The following ADAMTS6 variants were observed in gnomAD, a reference collection of about 807,000 sequenced individuals.
ADAMTS6 encodes the protein A disintegrin and metalloproteinase with thrombospondin motifs 6.
A neutral mutation model predicts 144.3 loss-of-function variants in ADAMTS6; 23 were observed. The ratio of observed to expected loss-of-function variants is 0.16; its 90% confidence interval spans 0.11 to 0.23. The LOEUF (loss-of-function observed/expected upper bound fraction) is 0.23. Among genes scored for constraint, ADAMTS6 ranks in the 10% least tolerant of loss-of-function variants. The pLI is 1.00. For synonymous variants in ADAMTS6, 444 were observed against 457.5 expected, an observed-to-expected ratio of 0.97 and a Z score of 0.38; for missense variants, 999 against 1,379.6, an observed-to-expected ratio of 0.72 and a Z score of 4.37.
At chr5:65,256,829 G>GTGATATAT (rs1239282660) in intron 14 of ADAMTS6, among the ~76,000 whole-genome samples, 1 of 152,002 alleles carries the variant, frequency 6.6e-6, no homozygotes, top group Non-Finnish European at 1.5e-5. Context: ...ACCTAAAAGT[G>GTGATATAT]TGATATATTG....
intron 16 of ADAMTS6, 77 bp downstream of exon 16, chr5:65,226,009 T>C (rs1757693673): frequency 7.1e-7 from 1 of 1,414,968 alleles, no homozygotes; most frequent in Non-Finnish European, 9.4e-7. Context: ...AAATTAAACA[T>C]AGTATTAAAT....
At chr5:65,475,955 T>C (rs1760813694) in intron 1 of ADAMTS6, among the ~76,000 whole-genome samples, 1 of 152,170 alleles carries the variant, frequency 6.6e-6, no homozygotes, top group Admixed American at 6.5e-5. Flanking sequence ...TCATATCCAT[T>C]CCCTTGCTCC....
At chr5:65,468,551 G>A (rs942108296) in intron 3 of ADAMTS6, among the ~76,000 whole-genome samples, 1 of 152,114 alleles carries the variant, frequency 6.6e-6, no homozygotes, top group Non-Finnish European at 1.5e-5. Flanking sequence ...ACTGCCAAGG[G>A]AAAAAATAGT....
intron 2 of ADAMTS6, among the ~76,000 whole-genome samples, chr5:65,471,619 G>A (rs931433787): frequency 1.7e-4 from 26 of 152,020 alleles, no homozygotes; most frequent in African/African-American, 5.8e-4. Context: ...TTATCCGGGC[G>A]TTGCGGCACA....
intron 22 of ADAMTS6, among the ~76,000 whole-genome samples, chr5:65,175,215 G>T (rs1208468153): frequency 6.6e-6 from 1 of 151,618 alleles, no homozygotes; most frequent in Non-Finnish European, 1.5e-5. Flanking sequence ...AGAAAAAGGG[G>T]CAAAGAGAGA....
intron 7 of ADAMTS6, among the ~76,000 whole-genome samples, chr5:65,411,389 G>A (rs984295299): frequency 6.6e-6 from 1 of 152,074 alleles, no homozygotes; most frequent in Non-Finnish European, 1.5e-5. Flanking sequence ...TGCCTATACA[G>A]CTTTCTTTCT....
intron 11 of ADAMTS6, among the ~76,000 whole-genome samples, chr5:65,273,818 T>C (rs966444584): frequency 2.0e-5 from 3 of 152,168 alleles, no homozygotes; most frequent in African/African-American, 7.2e-5. Flanking sequence ...ACTTACCAAT[T>C]ACTAATAAAG....
chr5:65,215,350 G>C lies in ADAMTS6; in HGVS notation c.2410C>G (p.Pro804Ala), dbSNP rs747780028. The change falls in exon 19 of 25, where the codon CCT becomes GCT. Residue 804 changes from proline to alanine, a missense_variant. By Grantham distance (27) the Pro-to-Ala change is conservative. Coordinates refer to ENST00000381055, the MANE Select transcript of ADAMTS6 (RefSeq NM_197941.4). ...ATGACGATGAGATTTTCTGAGGTAGGACCTAGAGCTTCCAAGGATTCTGGT... is the reference window on the plus strand; with the variant it reads ...ATGACGATGAGATTTTCTGAGGTAGCACCTAGAGCTTCCAAGGATTCTGGT... ...DEPESLEALG[P>A]TSENLIVMVL... 1 of 1,613,938 alleles carries C rather than the reference G, an allele frequency of 6.2e-7. No homozygotes were observed. The highest frequency in any genetic ancestry group is 2.2e-5 in the East Asian group (1 of 44,872).
At chr5:65,366,198 T>C (rs1196720999) in intron 7 of ADAMTS6, among the ~76,000 whole-genome samples, 1 of 152,194 alleles carries the variant, frequency 6.6e-6, no homozygotes, top group Non-Finnish European at 1.5e-5. Context: ...CAAAGGAATG[T>C]AATAACTTTA....
At chr5:65,419,552 A>T (rs1478685724) in intron 7 of ADAMTS6, among the ~76,000 whole-genome samples, 2 of 152,354 alleles carry the variant, frequency 1.3e-5, no homozygotes, top group East Asian at 3.9e-4. Flanking sequence ...ATCTAAAATA[A>T]ATATAGAAAA....
chr5:65,358,522 A>T (rs910436907), intron 7 of ADAMTS6, among the ~76,000 whole-genome samples: 1 of 152,098 alleles, frequency 6.6e-6, no homozygotes. Context: ...AATAGAAAAA[A>T]CAATTCCTAA....
chr5:65,244,776 G>C (rs903395835), intron 14 of ADAMTS6, among the ~76,000 whole-genome samples: 3 of 152,058 alleles, frequency 2.0e-5, no homozygotes, highest in African/African-American at 4.8e-5. Flanking sequence ...ATAAGTGTGG[G>C]AGTCTCCTCT....
chr5:65,180,115 G>T (rs1295592324), intron 22 of ADAMTS6, among the ~76,000 whole-genome samples: 1 of 152,030 alleles, frequency 6.6e-6, no homozygotes, highest in African/African-American at 2.4e-5. Flanking sequence ...GGCTATCTAG[G>T]TGAACACCGT....
chr5:65,477,086 C>T (rs1760892386), intron 1 of ADAMTS6, among the ~76,000 whole-genome samples: 1 of 152,158 alleles, frequency 6.6e-6, no homozygotes, highest in Non-Finnish European at 1.5e-5. Flanking sequence ...TCAATAACGG[C>T]AATAAGAAGA....
chr5:65,314,475 T>C (rs1675115176), intron 9 of ADAMTS6, among the ~76,000 whole-genome samples: 1 of 152,094 alleles, frequency 6.6e-6, no homozygotes, highest in Admixed American at 6.6e-5. Flanking sequence ...AGCAGAAAAG[T>C]ATTTGAAGTA....
intron 15 of ADAMTS6, among the ~76,000 whole-genome samples, chr5:65,239,763 G>A (rs6880009): frequency 0.18 from 27,170 of 151,962 alleles, 3,107 homozygotes; most frequent in African/African-American, 0.32. Flanking sequence ...ATATGAAAAC[G>A]TGCTTAACAT....
At chr5:65,424,609 A>T (rs1383373011) in intron 7 of ADAMTS6, among the ~76,000 whole-genome samples, 1 of 152,206 alleles carries the variant, frequency 6.6e-6, no homozygotes. Context: ...AGAACATCTC[A>T]CTAATGATCC....
intron 12 of ADAMTS6, among the ~76,000 whole-genome samples, chr5:65,263,366 T>C (rs903086264): frequency 6.7e-6 from 1 of 150,252 alleles, no homozygotes; most frequent in Non-Finnish European, 1.5e-5. Context: ...TAACGCAATA[T>C]GGAAGGTTCC....
At chr5:65,425,606 A>G (rs1292733708) in intron 7 of ADAMTS6, among the ~76,000 whole-genome samples, 1 of 152,198 alleles carries the variant, frequency 6.6e-6, no homozygotes, top group Non-Finnish European at 1.5e-5. Flanking sequence ...ACAGTATGGT[A>G]TTTATGTCAT....
Sources: allele counts gnomAD v4.1 joint callset (sites outside exome capture counted in the v4.1 genomes callset), GRCh38; gene constraint gnomAD v4.1.1; transcripts MANE v1.5; gene names NCBI Gene and HGNC (gene_info 2026-07-23, HGNC 2026-07-21).